The following BCL2L13 variants were observed in gnomAD, a reference collection of about 807,000 sequenced individuals.
BCL2L13 encodes the protein BCL2 like 13.
Under a neutral mutation model 25.8 loss-of-function variants are expected in BCL2L13, and 13 were observed. The observed-to-expected ratio is 0.50, with a 90% CI of 0.33 to 0.80. The LOEUF is 0.80. Among genes scored for constraint, BCL2L13 ranks in the 30% least tolerant of loss-of-function variants. The pLI, the probability that BCL2L13 is intolerant of heterozygous loss-of-function variation, is 0.02. For missense variants in BCL2L13, 504 were observed against 574.9 expected (o/e 0.88, Z 1.26); for synonymous variants, 244 against 230.3 (o/e 1.06, Z -0.54).
At chr22:17,700,054 A>G (rs1403401866) in intron 5 of BCL2L13, among the ~76,000 whole-genome samples, 4 of 152,170 alleles carry the variant, frequency 2.6e-5, no homozygotes, top group Admixed American at 2.0e-4. Flanking sequence ...CTGACATAGC[A>G]TGTACCACCA....
chr22:17,644,438 C>T (rs1463226120), intron 1 of BCL2L13, among the ~76,000 whole-genome samples: 1 of 149,994 alleles, frequency 6.7e-6, no homozygotes, highest in Non-Finnish European at 1.5e-5. Flanking sequence ...TCACGCCATT[C>T]TCCTCTCTCA....
intron 1 of BCL2L13, among the ~76,000 whole-genome samples, chr22:17,646,581 TG>T (rs80075201): frequency 0.055 from 8,272 of 151,104 alleles, 631 homozygotes; most frequent in African/African-American, 0.13. Flanking sequence ...AGATCATCTA[TG>T]TATTTACTCA....
chr22:17,678,820 A>G (rs147402149), intron 2 of BCL2L13, among the ~76,000 whole-genome samples: 14 of 152,300 alleles, frequency 9.2e-5, no homozygotes, highest in East Asian at 1.9e-4. Context: ...CAGGTAGTCA[A>G]TGTTTCTTCA....
At chr22:17,684,481 C>G (rs1366647126) in intron 3 of BCL2L13, 1 of 427,550 alleles carries the variant, frequency 2.3e-6, no homozygotes, top group Non-Finnish European at 4.7e-6. Flanking sequence ...CACCCCACAC[C>G]AGGCACCCAC....
chr22:17,727,681 A>G lies in BCL2L13; in HGVS notation c.*147A>G. 1 of 1,096,126 alleles carries G rather than the reference A, an allele frequency of 9.1e-7. No homozygotes were observed. Among genetic ancestry groups the G allele is most frequent in the Non-Finnish European group, 1.3e-6 (1 of 776,632 alleles). 67.9% of individuals were successfully genotyped at this position (1,096,126 alleles called of 1,614,324 possible). ...TCAACATGGCAGTGGCATGTTAGGC[A>G]TGTTAGGGCTTGAGGTGGGGCATTC... On this transcript the variant is annotated 3_prime_UTR_variant, in exon 7 of 7. Coordinates refer to ENST00000317582, the MANE Select transcript of BCL2L13 (RefSeq NM_015367.4).
chr22:17,689,122 A>T lies in BCL2L13; in HGVS notation c.366A>T (p.Ala122=). 1 of 1,613,994 alleles carries T rather than the reference A, an allele frequency of 6.2e-7. No homozygotes were observed. Among genetic ancestry groups the T allele is most frequent in the Non-Finnish European group, 8.5e-7 (1 of 1,179,932 alleles). ...AACTGAAAGAGCCTCTCCATAAAGC[A>T]TTGCAAATGCTCCTGAGCCAGTGAG... is the stretch of plus-strand genomic sequence containing the variant. ...SQELKEPLHK[A]LQMLLSQPVT... Residue 122 remains alanine, a synonymous_variant, in exon 4 of 7, where the codon GCA becomes GCT. Coordinates refer to ENST00000317582, the MANE Select transcript of BCL2L13 (RefSeq NM_015367.4).
rs1435561660 is a variant in BCL2L13 at position 17,714,042 on chromosome 22, C to G, written c.600+11656C>G. On this transcript the variant is annotated intron_variant, in intron 6 of 6. Transcript: ENST00000317582. ...GGCGCGGAGGCTCACACCTGTAATC[C>G]CAGCACTTTGGGAGGCCGAGGCAGG... Among the ~76,000 whole-genome samples the G allele has an allele frequency of 2.0e-5, 3 of 151,408 alleles. No individual in the cohort carries two copies. In the East Asian group the frequency reaches 6.0e-4, roughly 30 times the overall value.
intron 5 of BCL2L13, among the ~76,000 whole-genome samples, chr22:17,699,736 C>T (rs2060375351): frequency 6.6e-6 from 1 of 151,806 alleles, no homozygotes; most frequent in Admixed American, 6.6e-5. Context: ...TTTGTTTTAA[C>T]ATTTAAAAAA....
chr22:17,710,496 CT>C (rs1377470188), intron 6 of BCL2L13, among the ~76,000 whole-genome samples: 1 of 151,818 alleles, frequency 6.6e-6, no homozygotes, highest in East Asian at 1.9e-4. Context: ...AGGGGAATCG[CT>C]TGAACTTGGG....
chr22:17,642,687 G>T (rs572064873), intron 1 of BCL2L13, among the ~76,000 whole-genome samples: 1 of 151,642 alleles, frequency 6.6e-6, no homozygotes, highest in African/African-American at 2.4e-5. Context: ...TCTGCCTCCT[G>T]GGTTTAAGCG....
chr22:17,671,689 CA>C (rs2059425467), intron 2 of BCL2L13, among the ~76,000 whole-genome samples: 1 of 152,048 alleles, frequency 6.6e-6, no homozygotes, highest in African/African-American at 2.4e-5. Context: ...CTTAGCCTCC[CA>C]AAGTGCCACT....
intron 5 of BCL2L13, among the ~76,000 whole-genome samples, chr22:17,697,703 A>G (rs113166062): frequency 5.9e-5 from 9 of 152,332 alleles, no homozygotes; most frequent in African/African-American, 2.2e-4. Flanking sequence ...AATAGTCACT[A>G]TTAACAGAGT....
At chr22:17,657,066 G>T (rs981276786) in intron 2 of BCL2L13, among the ~76,000 whole-genome samples, 2 of 152,136 alleles carry the variant, frequency 1.3e-5, no homozygotes, top group African/African-American at 2.4e-5. Flanking sequence ...CAATCTGCCC[G>T]CCTTGGCCTC....
At chr22:17,700,443 A>G (rs778294975) in intron 5 of BCL2L13, among the ~76,000 whole-genome samples, 4 of 152,212 alleles carry the variant, frequency 2.6e-5, no homozygotes, top group Non-Finnish European at 5.9e-5. Flanking sequence ...AATATTTACA[A>G]CTCATTTCCC....
chr22:17,637,549 T>G (rs529764656), upstream of BCL2L13, among the ~76,000 whole-genome samples: 34 of 152,020 alleles, frequency 2.2e-4, no homozygotes, highest in African/African-American at 7.7e-4. Context: ...TAATTTTTTG[T>G]GTTTTTAGTA....
rs1167890621 is a variant in BCL2L13, at chr22:17,723,542, A to G, written c.601-3135A>G. 2.0e-5 allele frequency among the ~76,000 whole-genome samples: 3 copies of G among 152,256 alleles called. No homozygotes were observed. The East Asian group carries it at 5.8e-4, about 29-fold the overall frequency. ...TTGTCCTACCACCATACCACCAAAA[A>G]CAACAATTAAAATGACAACACAAAC... On this transcript the variant is annotated intron_variant, in intron 6 of 6. Transcript: ENST00000317582.
At chr22:17,695,822 C>A in intron 4 of BCL2L13, 6 of 204,658 alleles carry the variant, frequency 2.9e-5, no homozygotes, top group East Asian at 9.6e-5. Flanking sequence ...ATTATTTTAT[C>A]CTGTATTAAT....
chr22:17,630,422 G>A (rs1568901922), intron 1 of BCL2L13, among the ~76,000 whole-genome samples: 1 of 151,218 alleles, frequency 6.6e-6, no homozygotes, highest in Non-Finnish European at 1.5e-5. Context: ...TGGGATTACA[G>A]GTGCCTGCCA....
rs777795412 is a variant in BCL2L13, at chr22:17,696,191, A to T, written c.437A>T (p.His146Leu). ...GAATGTACACTGGAGACCACAGTTC[A>T]TGCCAGCGGCTGGAATAAGGTATCA... is the stretch of plus-strand genomic sequence containing the variant. ...FRECTLETTV[H>L]ASGWNKILVP... The change falls in exon 5 of 7, where the codon CAT becomes CTT. Residue 146 changes from histidine (H) to leucine (L), a missense_variant. Physicochemically the swap from His to Leu is moderately conservative, Grantham distance 99. Transcript: ENST00000317582. The T allele has an allele frequency of 3.1e-6, 5 of 1,613,972 alleles. No homozygotes were observed. Among genetic ancestry groups the T allele is most frequent in the Non-Finnish European group, 4.2e-6 (5 of 1,179,818 alleles).
Sources: allele counts gnomAD v4.1 joint callset (sites outside exome capture counted in the v4.1 genomes callset), GRCh38; gene constraint gnomAD v4.1.1; transcripts MANE v1.5; gene names NCBI Gene and HGNC (gene_info 2026-07-23, HGNC 2026-07-21).